SPOCK1: variants seen among roughly 807,000 people sequenced by gnomAD.
SPOCK1 encodes SPARC (osteonectin), cwcv and kazal like domains proteoglycan 1, also known as testican-1.
Under a neutral mutation model 55.3 loss-of-function variants are expected in SPOCK1, and 23 were observed. The observed-to-expected ratio is 0.42, with a 90% CI of 0.30 to 0.59. The LOEUF is 0.59. Among genes scored for constraint, SPOCK1 ranks in the 20% least tolerant of loss-of-function variants. SPOCK1 has a pLI of 0.22. For synonymous variants in SPOCK1, 226 were observed against 221.0 expected, an observed-to-expected ratio of 1.02 and a Z score of -0.20; for missense variants, 499 against 552.5, an observed-to-expected ratio of 0.90 and a Z score of 0.97.
chr5:137,325,375 C>T (rs1042050932), intron 2 of SPOCK1, among the ~76,000 whole-genome samples: 2 of 152,116 alleles, frequency 1.3e-5, no homozygotes, highest in African/African-American at 4.8e-5. Context: ...AGTTCATTGC[C>T]CTTTGTGCTT....
At chr5:137,395,825 T>G (rs1751835285) in intron 2 of SPOCK1, among the ~76,000 whole-genome samples, 1 of 152,178 alleles carries the variant, frequency 6.6e-6, no homozygotes. Flanking sequence ...CTGGGTGGGA[T>G]TCTATCCTGC....
At chr5:137,455,827 T>C (rs544884615) in intron 2 of SPOCK1, among the ~76,000 whole-genome samples, 1 of 151,972 alleles carries the variant, frequency 6.6e-6, no homozygotes, top group South Asian at 2.1e-4. Context: ...CCAAAAGTTC[T>C]AGACCAGCCT....
chr5:137,126,479 G>A (rs1753784173), intron 4 of SPOCK1, among the ~76,000 whole-genome samples: 1 of 152,206 alleles, frequency 6.6e-6, no homozygotes, highest in African/African-American at 2.4e-5. Context: ...GAAACTACAG[G>A]AGATCAGGCA....
rs17170784 is a variant in SPOCK1, at chr5:136,993,349, G to A, written c.590-749C>T. On this transcript the variant is annotated intron_variant, in intron 6 of 10. Transcript: ENST00000394945. Reference sequence around the variant, plus strand: ...GGTCTTGTAGAGTGCTAAAACTTGAGGAAAGAAATCCCAAAGGAATAAAAA... The same window carrying A: ...GGTCTTGTAGAGTGCTAAAACTTGAAGAAAGAAATCCCAAAGGAATAAAAA... Among the ~76,000 whole-genome samples, 886 of 152,224 alleles carry A rather than the reference G, an allele frequency of 5.8e-3. 4 individuals carry two copies. Among genetic ancestry groups the A allele is most frequent in the Non-Finnish European group, 9.5e-3 (647 of 68,006 alleles).
At chr5:137,063,160 G>A (rs2127003914) in intron 6 of SPOCK1, among the ~76,000 whole-genome samples, 1 of 148,250 alleles carries the variant, frequency 6.7e-6, no homozygotes, top group Middle Eastern at 3.4e-3. Flanking sequence ...GTGAACCCGG[G>A]AAGCGGAGCT....
At chr5:137,114,111 C>T (rs561872838) in intron 4 of SPOCK1, among the ~76,000 whole-genome samples, 1 of 152,310 alleles carries the variant, frequency 6.6e-6, no homozygotes, top group South Asian at 2.1e-4. Context: ...GTACCCACAG[C>T]ACAGCACATG....
At chr5:137,045,147 A>C (rs1471935921) in intron 6 of SPOCK1, among the ~76,000 whole-genome samples, 1 of 151,420 alleles carries the variant, frequency 6.6e-6, no homozygotes, top group African/African-American at 2.4e-5. Context: ...ATAATCTTTT[A>C]GGTATATACC....
intron 5 of SPOCK1, among the ~76,000 whole-genome samples, chr5:137,107,192 GA>G (rs1449100685): frequency 1.3e-5 from 2 of 152,178 alleles, no homozygotes; most frequent in Non-Finnish European, 2.9e-5. Context: ...TAAGTTCCAT[GA>G]AAACTGGGGC....
intron 6 of SPOCK1, among the ~76,000 whole-genome samples, chr5:137,008,522 A>G (rs1376460725): frequency 6.6e-6 from 1 of 152,200 alleles, no homozygotes; most frequent in Non-Finnish European, 1.5e-5. Flanking sequence ...ATACTTCAGG[A>G]AACCAGTTCT....
chr5:137,171,010 C>T (rs1304006719), intron 3 of SPOCK1, among the ~76,000 whole-genome samples: 1 of 152,064 alleles, frequency 6.6e-6, no homozygotes, highest in Non-Finnish European at 1.5e-5. Flanking sequence ...GAGAGACTGT[C>T]CCCATAGCAG....
chr5:137,260,382 C>T (rs1259495499), intron 3 of SPOCK1, among the ~76,000 whole-genome samples: 1 of 152,068 alleles, frequency 6.6e-6, no homozygotes, highest in Non-Finnish European at 1.5e-5. Flanking sequence ...ATTAGATCTA[C>T]AACTATCAAA....
At chr5:137,350,916 G>A (rs1750665238) in intron 2 of SPOCK1, among the ~76,000 whole-genome samples, 1 of 152,046 alleles carries the variant, frequency 6.6e-6, no homozygotes. Flanking sequence ...AGGGACATGA[G>A]TTTCTATTTT....
intron 2 of SPOCK1, among the ~76,000 whole-genome samples, chr5:137,364,013 T>G (rs1751004364): frequency 6.6e-6 from 1 of 152,176 alleles, no homozygotes; most frequent in Non-Finnish European, 1.5e-5. Context: ...CAGCCTGAGA[T>G]CCCAGGGCCC....
At chr5:137,483,025 T>C (rs1176923531) in intron 2 of SPOCK1, among the ~76,000 whole-genome samples, 1 of 152,200 alleles carries the variant, frequency 6.6e-6, no homozygotes, top group African/African-American at 2.4e-5. Flanking sequence ...TCAAACTTCC[T>C]TGAGATATAA....
At chr5:137,037,002 C>T (rs1484238137) in intron 6 of SPOCK1, among the ~76,000 whole-genome samples, 1 of 152,114 alleles carries the variant, frequency 6.6e-6, no homozygotes, top group Non-Finnish European at 1.5e-5. Flanking sequence ...CTAATGTAGG[C>T]AGTGCTAGAA....
At chr5:137,488,127 A>G (rs1754097983) in intron 2 of SPOCK1, among the ~76,000 whole-genome samples, 1 of 152,196 alleles carries the variant, frequency 6.6e-6, no homozygotes, top group African/African-American at 2.4e-5. Context: ...CTGTAACCCC[A>G]GCACTTTAAG....
intron 9 of SPOCK1, among the ~76,000 whole-genome samples, chr5:136,981,107 G>GC (rs1403006128): frequency 6.6e-6 from 1 of 152,152 alleles, no homozygotes; most frequent in Non-Finnish European, 1.5e-5. Context: ...CCTTAGAAAT[G>GC]CAAGTTCTTG....
intron 3 of SPOCK1, among the ~76,000 whole-genome samples, chr5:137,246,944 A>C (rs1436080538): frequency 1.3e-5 from 2 of 152,164 alleles, no homozygotes; most frequent in African/African-American, 2.4e-5. Context: ...GACCTGCTGA[A>C]TCTAATCTCC....
At position 137,498,478 on chromosome 5, in the gene SPOCK1, G is replaced by C. The variant is rs753712112; in HGVS notation, c.81C>G (p.Leu27=). The stretch of plus-strand genomic sequence containing the variant: ...CGTGGTTGGGGCCCGCGCCTCCGGC[G>C]AGCGCGTCCAGGTGCCGGCTCTCGA... ...LQVESRHLDA[L]AGGAGPNHGN... is the part of the protein sequence containing the mutation. The change falls in exon 2 of 11, where the codon CTC becomes CTG. Residue 27 remains leucine (L), a synonymous_variant. Coordinates refer to ENST00000394945, the MANE Select transcript of SPOCK1 (RefSeq NM_004598.4). The C allele has an allele frequency of 5.0e-6, 8 of 1,601,748 alleles. No homozygotes were observed. Among genetic ancestry groups the C allele is most frequent in the African/African-American group, 1.3e-5 (1 of 74,678 alleles).
Sources: gnomAD v4.1 joint callset for allele counts (sites outside exome capture counted in the v4.1 genomes callset) on GRCh38, gnomAD v4.1.1 for gene constraint, MANE v1.5 for transcripts, NCBI Gene and HGNC (gene_info 2026-07-23, HGNC 2026-07-21) for gene names.